FDFT1: variants seen among roughly 807,000 people sequenced by gnomAD.
FDFT1 encodes the protein squalene synthase.
Under a neutral mutation model 46.8 loss-of-function variants are expected in FDFT1, and 68 were observed. The observed-to-expected ratio is 1.45, with a 90% CI of 1.19 to 1.78. The LOEUF (loss-of-function observed/expected upper bound fraction) is 1.78. Among genes scored for constraint, FDFT1 ranks in the 40% most tolerant of loss-of-function variants. The pLI is 0.00. For missense variants in FDFT1, 928 were observed against 524.4 expected (o/e 1.77, Z -7.52); for synonymous variants, 351 against 185.1 (o/e 1.90, Z -7.28).
chr8:11,836,982 T>G (rs568594187), intron 7 of FDFT1, among the ~76,000 whole-genome samples: 1 of 152,336 alleles, frequency 6.6e-6, no homozygotes, highest in African/African-American at 2.4e-5. Flanking sequence ...GGGTGAAAAC[T>G]ACAGATGGTC....
At chr8:11,808,726 AC>A (rs1807254061) in intron 1 of FDFT1, 67 bp from the exon 2 acceptor site, 3 of 1,561,222 alleles carry the variant, frequency 1.9e-6, no homozygotes, top group South Asian at 1.2e-5. Context: ...TCCCACTCCC[AC>A]TCCCACTCCC....
At chr8:11,809,068 A>G (rs758873126) in intron 2 of FDFT1, 177 bp downstream of exon 2, 139 of 1,303,704 alleles carry the variant, frequency 1.1e-4, no homozygotes, top group Non-Finnish European at 1.3e-4. Context: ...GCTCTTTGCC[A>G]TCTAGTAGAG....
chr8:11,827,249 A>C (rs1483248021), intron 5 of FDFT1, among the ~76,000 whole-genome samples: 1 of 152,190 alleles, frequency 6.6e-6, no homozygotes, highest in Non-Finnish European at 1.5e-5. Context: ...GGAGTTCAAG[A>C]CCAGCCTGAG....
At chr8:11,822,009 T>C in intron 4 of FDFT1, 131 bp downstream of exon 4, 2 of 1,045,122 alleles carry the variant, frequency 1.9e-6, no homozygotes, top group Non-Finnish European at 1.4e-6. Context: ...TCTGTTTAGG[T>C]TGAATGTCTC....
intron 5 of FDFT1, among the ~76,000 whole-genome samples, chr8:11,827,103 G>T (rs925728815): frequency 2.4e-4 from 37 of 152,186 alleles, no homozygotes; most frequent in African/African-American, 8.0e-4. Context: ...TTTTATGACT[G>T]TTCCCTGAAT....
At chr8:11,836,741 A>G (rs981122776) in intron 7 of FDFT1, among the ~76,000 whole-genome samples, 1 of 152,268 alleles carries the variant, frequency 6.6e-6, no homozygotes, top group African/African-American at 2.4e-5. Flanking sequence ...GGATGCTTGT[A>G]TTGAAAAGTC....
intron 7 of FDFT1, among the ~76,000 whole-genome samples, chr8:11,832,065 C>A (rs1810879547): frequency 6.6e-6 from 1 of 152,114 alleles, no homozygotes; most frequent in Admixed American, 6.5e-5. Context: ...TGTCCTGACA[C>A]CCAGTCTGGT....
chr8:11,819,840 A>G (rs1462048593), intron 3 of FDFT1, among the ~76,000 whole-genome samples: 1 of 152,042 alleles, frequency 6.6e-6, no homozygotes, highest in South Asian at 2.1e-4. Context: ...TCTGAAGCCT[A>G]CTTCTGTCAA....
intron 7 of FDFT1, among the ~76,000 whole-genome samples, chr8:11,832,144 A>G (rs1810888969): frequency 6.6e-6 from 1 of 152,216 alleles, no homozygotes; most frequent in South Asian, 2.1e-4. Context: ...AAAGCCATCA[A>G]GTTGCAATTA....
intron 4 of FDFT1, among the ~76,000 whole-genome samples, chr8:11,824,501 G>A (rs1809692690): frequency 6.6e-6 from 1 of 152,054 alleles, no homozygotes; most frequent in Non-Finnish European, 1.5e-5. Flanking sequence ...CACAGACACG[G>A]CAGCCCCTTG....
chr8:11,803,888 C>T (rs1806463435), intron 1 of FDFT1: 1 of 152,984 alleles, frequency 6.5e-6, no homozygotes, highest in Non-Finnish European at 1.5e-5. Context: ...AATACAGGTA[C>T]ATCCTTCAGT....
chr8:11,825,029 C>A (rs964563174), intron 4 of FDFT1, among the ~76,000 whole-genome samples: 1 of 151,144 alleles, frequency 6.6e-6, no homozygotes, highest in Non-Finnish European at 1.5e-5. Flanking sequence ...GCCATCGTGC[C>A]CGGCTGAATG....
At chr8:11,815,371 T>C (rs928930646) in intron 3 of FDFT1, among the ~76,000 whole-genome samples, 9 of 152,156 alleles carry the variant, frequency 5.9e-5, no homozygotes, top group Non-Finnish European at 8.8e-5. Flanking sequence ...TTATAATCCT[T>C]TGGGTATATG....
chr8:11,830,162 T>A, intron 5 of FDFT1, 82 bp from the exon 6 acceptor site: 5 of 1,156,434 alleles, frequency 4.3e-6, no homozygotes, highest in Admixed American at 1.7e-5. Context: ...ATAGTTCTTA[T>A]GCACAAAGAC....
chr8:11,837,299 C>T (rs996243820), intron 7 of FDFT1, among the ~76,000 whole-genome samples: 8 of 152,214 alleles, frequency 5.3e-5, no homozygotes, highest in Admixed American at 3.9e-4. Flanking sequence ...GGCATGATCT[C>T]GGATCACTGC....
At chr8:11,816,533 T>C (rs1479221663) in intron 3 of FDFT1, among the ~76,000 whole-genome samples, 1 of 152,240 alleles carries the variant, frequency 6.6e-6, no homozygotes, top group African/African-American at 2.4e-5. Context: ...TTATGGCCTC[T>C]TTTATTTCAT....
chr8:11,821,842 G>A lies in FDFT1; in HGVS notation c.474G>A (p.Leu158=), dbSNP rs781000480. The stretch of plus-strand genomic sequence containing the variant: ...TGGGCATTGGGATGGCAGAGTTTTT[G>A]GATAAGCATGTGACCTCTGAACAGG... ...RRMGIGMAEF[L]DKHVTSEQEW... The change falls in exon 4 of 8, where the codon TTG becomes TTA. Residue 158 remains leucine (L), a synonymous_variant. Coordinates refer to ENST00000220584, the MANE Select transcript of FDFT1 (RefSeq NM_004462.5). The A allele has an allele frequency of 6.2e-7, 1 of 1,613,578 alleles. No individual in the cohort carries two copies. Among genetic ancestry groups the A allele is most frequent in the Admixed American group, 1.7e-5 (1 of 59,998 alleles).
upstream of FDFT1, chr8:11,802,306 G>A (rs987712206): frequency 5.1e-6 from 2 of 394,776 alleles, no homozygotes; most frequent in Non-Finnish European, 1.0e-5. Context: ...AGGAGCCACC[G>A]AGGCCGGACA....
At position 11,838,701 on chromosome 8, in the gene FDFT1, A is replaced by G. The variant is rs748458473; in HGVS notation, c.*92A>G. On this transcript the variant is annotated 3_prime_UTR_variant, in exon 8 of 8. Coordinates refer to ENST00000220584, the MANE Select transcript of FDFT1 (RefSeq NM_004462.5). ...GTTGTGTTCTCTTTATTTTTTTCCTACTACTTTAATCCCTAAAAGAACGCT... is the reference window on the plus strand; with the variant it reads ...GTTGTGTTCTCTTTATTTTTTTCCTGCTACTTTAATCCCTAAAAGAACGCT... 1.1e-5 allele frequency: 11 copies of G among 1,027,902 alleles called. No homozygotes were observed. The highest frequency in any genetic ancestry group is 4.8e-5 in the African/African-American group (3 of 63,028). 63.7% of individuals were successfully genotyped at this position (1,027,902 alleles called of 1,614,324 possible).
Sources: allele counts gnomAD v4.1 joint callset (sites outside exome capture counted in the v4.1 genomes callset), GRCh38; gene constraint gnomAD v4.1.1; transcripts MANE v1.5; gene names NCBI Gene and HGNC (gene_info 2026-07-23, HGNC 2026-07-21).